The following SUPT6H variants were observed in gnomAD, a reference collection of about 807,000 sequenced individuals.
The protein encoded by SUPT6H is SPT6 homolog, histone chaperone and transcription elongation factor, also known as transcription elongation factor SPT6.
Under a neutral mutation model 222.3 loss-of-function variants are expected in SUPT6H, and 11 were observed. The observed-to-expected ratio is 0.05, with a 90% CI of 0.03 to 0.08. SUPT6H has a LOEUF of 0.08. Among genes scored for constraint, SUPT6H ranks in the 10% least tolerant of loss-of-function variants. The pLI is 1.00. For missense variants in SUPT6H, 1,422 were observed against 2,216.0 expected (o/e 0.64, Z 7.19); for synonymous variants, 762 against 801.2 (o/e 0.95, Z 0.83).
intron 27 of SUPT6H, among the ~76,000 whole-genome samples, chr17:28,692,018 CT>C (rs1306958995): frequency 6.6e-6 from 1 of 151,536 alleles, no homozygotes; most frequent in Non-Finnish European, 1.5e-5. Context: ...ACCCCATCTC[CT>C]TTTTTAAAAA....
intron 11 of SUPT6H, among the ~76,000 whole-genome samples, chr17:28,680,163 C>T (rs1157918564): frequency 4.2e-5 from 6 of 141,206 alleles, no homozygotes; most frequent in Admixed American, 2.1e-4. Flanking sequence ...AAAATTAGCT[C>T]GGTGTGGTGG....
In SUPT6H at chr17:28,699,907, T is replaced by G. The variant is rs1183486914; in HGVS notation, c.4561+14T>G. ...ATCCTGTACCAGGTGAGTTCTGCTC[T>G]TCCTGACTTCAGGGACGTGGCTGGA... On this transcript the variant is annotated intron_variant, in intron 33 of 36. Transcript: ENST00000314616. The G allele has an allele frequency of 6.2e-7, 1 of 1,609,488 alleles. No individual in the cohort carries two copies.
At chr17:28,683,541 T>C in intron 16 of SUPT6H, 80 bp from the exon 17 acceptor site, 1 of 1,582,730 alleles carries the variant, frequency 6.3e-7, no homozygotes, top group Non-Finnish European at 8.6e-7. Context: ...CTGTTGTCTC[T>C]GGCTTGCTTA....
intron 6 of SUPT6H, 61 bp from the exon 7 acceptor site, chr17:28,676,096 G>C: frequency 1.3e-6 from 2 of 1,521,746 alleles, no homozygotes; most frequent in East Asian, 2.3e-5. Context: ...ATCTATGCAA[G>C]GGCTGCATTT....
rs760125441 is a variant in SUPT6H at position 28,687,354 on chromosome 17, C to A, written c.2889C>A (p.Ile963=). The A allele has an allele frequency of 2.5e-6, 4 of 1,614,156 alleles. No homozygotes were observed. The East Asian group carries it at 8.9e-5, about 36-fold the overall frequency. ...ELLNALYCEF[I]NRVNEVGVDV... is the part of the protein sequence containing the mutation. ...TCAACGCCTTGTACTGTGAATTTAT[C>A]AACCGAGTCAATGAGGTCGGGGTCG... The change falls in exon 23 of 37, where the codon ATC becomes ATA. Residue 963 remains isoleucine (I), a synonymous_variant. Coordinates refer to ENST00000314616, the MANE Select transcript of SUPT6H (RefSeq NM_003170.5).
At chr17:28,699,657 C>T (rs1326026362) in intron 32 of SUPT6H, 124 bp from the exon 33 acceptor site, 2 of 801,300 alleles carry the variant, frequency 2.5e-6, no homozygotes, top group Admixed American at 1.7e-5. Flanking sequence ...TGGGGACTGG[C>T]TGTGTCATCT....
chr17:28,692,576 C>CGGG (rs1567701585), intron 27 of SUPT6H, among the ~76,000 whole-genome samples: 1 of 147,672 alleles, frequency 6.8e-6, no homozygotes, highest in African/African-American at 2.5e-5. Context: ...GTTGGATAAA[C>CGGG]ATAAAAGAGG....
rs1046286696 is a variant in SUPT6H at position 28,678,915 on chromosome 17, A to G, written c.1301A>G (p.Lys434Arg). The change falls in exon 11 of 37, where the codon AAA becomes AGA. Residue 434 changes from lysine to arginine, a missense_variant. Physicochemically the swap from Lys to Arg is conservative, Grantham distance 26. Transcript: ENST00000314616. ...GAACAGATCTCTGCTGACCCTGACAAACCTCTTGCTGATGGCATCCGGGCT... is the reference window on the plus strand; with the variant it reads ...GAACAGATCTCTGCTGACCCTGACAGACCTCTTGCTGATGGCATCCGGGCT... ...QYEQISADPD[K>R]PLADGIRALD... The G allele has an allele frequency of 5.6e-6, 9 of 1,614,172 alleles. No homozygotes were observed. The highest frequency in any genetic ancestry group is 7.6e-6 in the Non-Finnish European group (9 of 1,180,034).
Position 28,696,889 on chromosome 17 carries a change from A to G in SUPT6H, c.4016A>G (p.Asn1339Ser), listed in dbSNP as rs2031947530. 7 of 1,613,894 alleles carry G rather than the reference A, an allele frequency of 4.3e-6. No homozygotes were observed. Among genetic ancestry groups the G allele is most frequent in the Non-Finnish European group, 5.9e-6 (7 of 1,179,992 alleles). ...VIAHPSFHNI[N>S]FKQAEKMMET... ...GCACACCCATCCTTCCATAATATCAATTTCAAGCAAGCAGAAAAGATGATG... is the reference window on the plus strand; with the variant it reads ...GCACACCCATCCTTCCATAATATCAGTTTCAAGCAAGCAGAAAAGATGATG... Residue 1339 changes from asparagine to serine, a missense_variant, in exon 30 of 37, where the codon AAT becomes AGT. Physicochemically the swap from Asn to Ser is conservative, Grantham distance 46. Coordinates refer to ENST00000314616, the MANE Select transcript of SUPT6H (RefSeq NM_003170.5).
At chr17:28,683,185 T>A in intron 15 of SUPT6H, 83 bp from the exon 16 acceptor site, 1 of 1,576,140 alleles carries the variant, frequency 6.3e-7, no homozygotes, top group Non-Finnish European at 8.6e-7. Context: ...GAGCTGTGTG[T>A]CTGAAAGCAG....
chr17:28,667,922 C>T (rs2030183558), intron 1 of SUPT6H, among the ~76,000 whole-genome samples: 1 of 151,632 alleles, frequency 6.6e-6, no homozygotes, highest in Non-Finnish European at 1.5e-5. Context: ...AAAAAAAACC[C>T]AGCAAATGTT....
Position 28,701,542 on chromosome 17 carries a change from C to T in SUPT6H, c.5098C>T (p.Pro1700Ser), listed in dbSNP as rs139262974. 4.5e-5 allele frequency: 73 copies of T among 1,614,030 alleles called. No individual in the cohort carries two copies. The highest frequency in any genetic ancestry group is 5.8e-5 in the Non-Finnish European group (69 of 1,180,038). The change falls in exon 37 of 37, where the codon CCC becomes TCC. Residue 1700 changes from proline (P) to serine (S), a missense_variant. Pro to Ser is a moderately conservative substitution (Grantham distance 74). Around this residue, in one of 13 missense-constraint regions of SUPT6H, gnomAD observed 395 missense variants for 580.6 expected, o/e 0.68. Coordinates refer to ENST00000314616, the MANE Select transcript of SUPT6H (RefSeq NM_003170.5). ...ACAGAAGCAGCGGCTGACACCTCGG[C>T]CCTCCCCCAGCCCCATGATCGAAAG... Reference protein sequence around the residue: ...RKQKQRLTPRPSPSPMIESTP... With the variant: ...RKQKQRLTPRSSPSPMIESTP...
rs1567708485 is a variant in SUPT6H, at chr17:28,701,655, C to G, written c.*30C>G. 1.3e-6 allele frequency: 2 copies of G among 1,576,288 alleles called. No individual in the cohort carries two copies. Among genetic ancestry groups the G allele is most frequent in the Non-Finnish European group, 1.7e-6 (2 of 1,156,954 alleles). ...CCTGCTCCTCGGACTCTGGTTACCTCTGAGGCTGGGAAAGGCCTGGCTGCC... is the reference window on the plus strand; with the variant it reads ...CCTGCTCCTCGGACTCTGGTTACCTGTGAGGCTGGGAAAGGCCTGGCTGCC... On this transcript the variant is annotated 3_prime_UTR_variant, in exon 37 of 37. Coordinates refer to ENST00000314616, the MANE Select transcript of SUPT6H (RefSeq NM_003170.5).
In SUPT6H at chr17:28,693,716, C is replaced by T. The variant is rs148672168; in HGVS notation, c.3654C>T (p.Ser1218=). Residue 1218 remains serine (S), a synonymous_variant, in exon 28 of 37, where the codon AGC becomes AGT. Transcript: ENST00000314616. ...ELSEVWNHFD[S]GSCPGQAIGV... Reference sequence around the variant, plus strand: ...TTCAGGTGTGGAACCACTTTGACAGCGGTTCGTGCCCAGGCCAGGCCATCG... The same window carrying T: ...TTCAGGTGTGGAACCACTTTGACAGTGGTTCGTGCCCAGGCCAGGCCATCG... The T allele has an allele frequency of 5.9e-5, 96 of 1,614,068 alleles. No individual in the cohort carries two copies. Among genetic ancestry groups the T allele is most frequent in the Non-Finnish European group, 5.5e-5 (65 of 1,180,038 alleles).
chr17:28,674,489 G>T (rs368804308), intron 3 of SUPT6H, 48 bp downstream of exon 3: 9 of 1,614,032 alleles, frequency 5.6e-6, no homozygotes, highest in Middle Eastern at 1.6e-4. Flanking sequence ...GGAGGTTGCA[G>T]TGGAAAAGGG....
chr17:28,669,956 G>GT (rs1207022588), intron 1 of SUPT6H: 1 of 152,214 alleles, frequency 6.6e-6, no homozygotes, highest in Non-Finnish European at 1.5e-5. Flanking sequence ...AATTAAGTAA[G>GT]AATGACATTC....
At chr17:28,696,676 C>T (rs2031934721) in intron 29 of SUPT6H, among the ~76,000 whole-genome samples, 168 bp from the exon 30 acceptor site, 1 of 151,576 alleles carries the variant, frequency 6.6e-6, no homozygotes, top group Non-Finnish European at 1.5e-5. Flanking sequence ...TCGCTTGAGC[C>T]CAGGAGTTCG....
At chr17:28,684,811 T>C in intron 18 of SUPT6H, 33 bp from the exon 19 acceptor site, 2 of 1,613,952 alleles carry the variant, frequency 1.2e-6, no homozygotes, top group Non-Finnish European at 1.7e-6. Context: ...TATTGCTGAT[T>C]ATTGCATTCT....
rs1174506633 is a variant in SUPT6H, at chr17:28,692,932, C to G, written c.3634-764C>G. On this transcript the variant is annotated intron_variant, in intron 27 of 36. Coordinates refer to ENST00000314616, the MANE Select transcript of SUPT6H (RefSeq NM_003170.5). ...AGGAGAATGGCGTGAACCCGGGAGGCAGAGCTTGCAGTGAGCCAAGATTGT... is the reference window on the plus strand; with the variant it reads ...AGGAGAATGGCGTGAACCCGGGAGGGAGAGCTTGCAGTGAGCCAAGATTGT... Among the ~76,000 whole-genome samples the G allele has an allele frequency of 7.6e-5, 11 of 144,456 alleles. 1 individual carries two copies. The highest frequency in any genetic ancestry group is 1.7e-4 in the Non-Finnish European group (11 of 66,626). The allele number at this position is 144,456 out of a possible 152,430, so 94.8% of individuals were successfully genotyped here.
Sources: gnomAD v4.1 joint callset for allele counts (sites outside exome capture counted in the v4.1 genomes callset) on GRCh38, gnomAD v4.1.1 for gene constraint, gnomAD v4.1.1 regional missense constraint, MANE v1.5 for transcripts, NCBI Gene and HGNC (gene_info 2026-07-23, HGNC 2026-07-21) for gene names.